The following TMEM50B variants were observed in gnomAD, a reference collection of about 807,000 sequenced individuals.
TMEM50B encodes the protein transmembrane protein 50B, also known as HCV p7-trans-regulated protein 3.
Under a neutral mutation model 23.4 loss-of-function variants are expected in TMEM50B, and 14 were observed. The ratio of observed to expected loss-of-function variants is 0.60; its 90% confidence interval spans 0.39 to 0.93. The LOEUF (loss-of-function observed/expected upper bound fraction) is 0.93, where lower values mean the gene tolerates loss of function less well. Among genes scored for constraint, TMEM50B ranks in the 40% least tolerant of loss-of-function variants. TMEM50B has a pLI of 0.00. For missense variants in TMEM50B, 159 were observed against 193.0 expected, an observed-to-expected ratio of 0.82 and a Z score of 1.04; for synonymous variants, 64 against 62.3, an observed-to-expected ratio of 1.03 and a Z score of -0.13.
chr21:33,447,925 A>C (rs191880879), downstream of TMEM50B, among the ~76,000 whole-genome samples: 6 of 152,348 alleles, frequency 3.9e-5, no homozygotes, highest in East Asian at 1.2e-3. Flanking sequence ...GTAGATGATT[A>C]CCAAAGATTC....
downstream of TMEM50B, among the ~76,000 whole-genome samples, chr21:33,444,170 A>AG (rs1363566995): frequency 6.2e-5 from 3 of 48,568 alleles, no homozygotes; most frequent in African/African-American, 3.2e-4. Context: ...CAAAGCACTG[A>AG]GATATAGGCG....
intron 8 of TMEM50B, chr21:33,432,953 T>G (rs576714760): frequency 8.7e-7 from 1 of 1,152,168 alleles, no homozygotes; most frequent in East Asian, 2.5e-5. Flanking sequence ...TGGTACAATC[T>G]CTGCTCACTG....
rs376124945 is a variant in TMEM50B at position 33,438,798 on chromosome 21, C to T, written c.*2120+416G>A. Among the ~76,000 whole-genome samples, 30 of 152,082 alleles carry T rather than the reference C, an allele frequency of 2.0e-4. No individual in the cohort carries two copies. In the East Asian group the frequency reaches 2.7e-3, roughly 14 times the overall value. On this transcript the variant is annotated intron_variant and NMD_transcript_variant, in intron 8 of 8. Coordinates refer to the TMEM50B transcript ENST00000420455. ...AGGCTGGAGCGCAGTGGCGCGATCT[C>T]AGCTCGCTGCAACCTCCACCTCCCA...
chr21:33,455,052 G>T (rs1342911966), intron 6 of TMEM50B, among the ~76,000 whole-genome samples: 1 of 152,112 alleles, frequency 6.6e-6, no homozygotes, highest in Non-Finnish European at 1.5e-5. Flanking sequence ...CGAGGCGGAG[G>T]CTGCAGTGAG....
chr21:33,456,458 T>C (rs772354008), intron 5 of TMEM50B, among the ~76,000 whole-genome samples: 4 of 152,232 alleles, frequency 2.6e-5, no homozygotes, highest in Non-Finnish European at 4.4e-5. Flanking sequence ...CTGGAGGAAA[T>C]GGTTACTATC....
At chr21:33,445,050 G>A (rs1371189413), downstream of TMEM50B, among the ~76,000 whole-genome samples, 1 of 150,718 alleles carries the variant, frequency 6.6e-6, no homozygotes, top group Non-Finnish European at 1.5e-5. Flanking sequence ...CTTGAGCCTG[G>A]GAGGTGGAGG....
chr21:33,475,891 T>C (rs1219709700), intron 1 of TMEM50B, among the ~76,000 whole-genome samples: 3 of 151,456 alleles, frequency 2.0e-5, no homozygotes, highest in African/African-American at 4.9e-5. Flanking sequence ...GAGGTGGAGG[T>C]TGCAGTGAGC....
At chr21:33,456,459 G>A (rs1281789301) in intron 5 of TMEM50B, among the ~76,000 whole-genome samples, 2 of 152,134 alleles carry the variant, frequency 1.3e-5, no homozygotes, top group South Asian at 2.1e-4. Flanking sequence ...TGGAGGAAAT[G>A]GTTACTATCT....
At chr21:33,477,349 T>C (rs2084383075) in intron 1 of TMEM50B, among the ~76,000 whole-genome samples, 1 of 152,050 alleles carries the variant, frequency 6.6e-6, no homozygotes, top group African/African-American at 2.4e-5. Flanking sequence ...GAAGGAAATG[T>C]GTCCTTATAT....
At chr21:33,447,779 AG>A (rs1269860665), downstream of TMEM50B, among the ~76,000 whole-genome samples, 1 of 151,950 alleles carries the variant, frequency 6.6e-6, no homozygotes, top group Admixed American at 6.6e-5. Context: ...CAACAGCACA[AG>A]GAATACAAGG....
intron 6 of TMEM50B, among the ~76,000 whole-genome samples, chr21:33,454,911 G>A (rs2084155410): frequency 6.6e-6 from 1 of 152,030 alleles, no homozygotes; most frequent in Non-Finnish European, 1.5e-5. Flanking sequence ...GAGCTCAGGA[G>A]TTCGAGACCA....
intron 7 of TMEM50B, among the ~76,000 whole-genome samples, chr21:33,441,238 AAAG>A (rs1265647808): frequency 3.9e-5 from 6 of 152,140 alleles, no homozygotes; most frequent in African/African-American, 4.8e-5. Context: ...TCAAAAAAAA[AAAG>A]GACTTCTTGG....
At chr21:33,457,342 A>C (rs1035351868) in intron 5 of TMEM50B, among the ~76,000 whole-genome samples, 1 of 152,106 alleles carries the variant, frequency 6.6e-6, no homozygotes, top group Non-Finnish European at 1.5e-5. Context: ...AATATTTACT[A>C]GTTCTTTAAA....
intron 8 of TMEM50B, chr21:33,437,230 T>C: frequency 2.3e-6 from 1 of 429,026 alleles, no homozygotes; most frequent in Non-Finnish European, 4.3e-6. Context: ...AAAAGGCATG[T>C]AATTGCTTGT....
intron 7 of TMEM50B, among the ~76,000 whole-genome samples, chr21:33,442,853 G>A (rs972066752): frequency 1.7e-4 from 26 of 151,970 alleles, no homozygotes; most frequent in Non-Finnish European, 2.8e-4. Flanking sequence ...CCTGGGAGGC[G>A]GAGGTTGCAG....
At chr21:33,441,344 C>G (rs2084007274) in intron 7 of TMEM50B, among the ~76,000 whole-genome samples, 1 of 152,054 alleles carries the variant, frequency 6.6e-6, no homozygotes, top group Admixed American at 6.6e-5. Context: ...GGAAATGATA[C>G]TGATTTGGGA....
chr21:33,442,944 A>G (rs915016211), intron 7 of TMEM50B, among the ~76,000 whole-genome samples: 9 of 152,090 alleles, frequency 5.9e-5, no homozygotes, highest in Admixed American at 5.2e-4. Context: ...AAACAAATCA[A>G]AACAAAAAGC....
intron 8 of TMEM50B, among the ~76,000 whole-genome samples, chr21:33,435,882 C>CAAAAA (rs35251279): frequency 4.1e-5 from 2 of 48,236 alleles, no homozygotes; most frequent in Non-Finnish European, 6.9e-5. Context: ...GACTCCGTCT[C>CAAAAA]AAAAAAAAAA....
At chr21:33,454,352 G>A (rs1315803045) in intron 6 of TMEM50B, among the ~76,000 whole-genome samples, 1 of 152,046 alleles carries the variant, frequency 6.6e-6, no homozygotes, top group African/African-American at 2.4e-5. Context: ...AAGCTGAAAT[G>A]CAGTGGCACT....
Sources: gnomAD v4.1 joint callset for allele counts (sites outside exome capture counted in the v4.1 genomes callset) on GRCh38, gnomAD v4.1.1 for gene constraint, MANE v1.5 for transcripts, NCBI Gene and HGNC (gene_info 2026-07-23, HGNC 2026-07-21) for gene names.